HEATR5A: variants seen among roughly 807,000 people sequenced by gnomAD.
HEATR5A encodes HEAT repeat-containing protein 5A.
Under a neutral mutation model 218.8 loss-of-function variants are expected in HEATR5A, and 178 were observed. The observed-to-expected ratio is 0.81, with a 90% confidence interval of 0.72 to 0.92. The LOEUF (loss-of-function observed/expected upper bound fraction) is 0.92, where lower values mean the gene tolerates loss of function less well. Among genes scored for constraint, HEATR5A ranks in the 40% least tolerant of loss-of-function variants. The pLI, the probability that HEATR5A is intolerant of heterozygous loss-of-function variation, is 0.00. For synonymous variants in HEATR5A, 864 were observed against 871.6 expected, an observed-to-expected ratio of 0.99 and a Z score of 0.15; for missense variants, 2,420 against 2,418.9, an observed-to-expected ratio of 1.00 and a Z score of -0.01.
intron 22 of HEATR5A, among the ~76,000 whole-genome samples, chr14:31,337,225 G>T (rs1423874252): frequency 1.3e-5 from 2 of 152,128 alleles, no homozygotes; most frequent in African/African-American, 4.8e-5. Flanking sequence ...AGTAGGTCTG[G>T]GATGGGTCCC....
At chr14:31,340,008 A>G (rs1459195524) in intron 21 of HEATR5A, among the ~76,000 whole-genome samples, 1 of 152,146 alleles carries the variant, frequency 6.6e-6, no homozygotes, top group Non-Finnish European at 1.5e-5. Flanking sequence ...GCTTGGAAGT[A>G]CCCTTTACTT....
chr14:31,314,296 T>C (rs1447728072), intron 27 of HEATR5A, among the ~76,000 whole-genome samples: 1 of 151,180 alleles, frequency 6.6e-6, no homozygotes, highest in East Asian at 2.0e-4. Flanking sequence ...TTCGCTCTTG[T>C]TCCCCAAGCT....
rs1178204314 is a variant in HEATR5A, at chr14:31,356,420, GAGA to G, written c.2411+2214_2411+2216del. ...CACAGCTAATTTTTTTATTTTTGTA[GAGA>G]AGGAGTTTTGCATGTTGCCTAGGCT... On this transcript the variant is annotated intron_variant, in intron 16 of 35. Coordinates refer to ENST00000543095, the MANE Select transcript of HEATR5A (RefSeq NM_015473.4). 2.6e-5 allele frequency among the ~76,000 whole-genome samples: 4 copies of G among 152,058 alleles called. No homozygotes were observed. The South Asian group carries it at 6.2e-4, about 24-fold the overall frequency.
chr14:31,360,710 G>A (rs1249401046), intron 14 of HEATR5A, among the ~76,000 whole-genome samples: 1 of 152,200 alleles, frequency 6.6e-6, no homozygotes, highest in Admixed American at 6.6e-5. Flanking sequence ...GCACCAGGAT[G>A]AAATGAGGAC....
rs149676886 is a variant in HEATR5A, at chr14:31,412,148, C to A, written c.-75+8324G>T. Among the ~76,000 whole-genome samples, 408 of 152,226 alleles carry A rather than the reference C, an allele frequency of 2.7e-3. 2 individuals are homozygous for A. The highest frequency in any genetic ancestry group is 9.2e-3 in the African/African-American group (383 of 41,546). On this transcript the variant is annotated intron_variant, in intron 1 of 35. Coordinates refer to ENST00000543095, the MANE Select transcript of HEATR5A (RefSeq NM_015473.4). Reference sequence around the variant, plus strand: ...TGGGATTACAGGCGTTGAGTCACTGCATGCAGCCTGAAATGATTTATTGCT... The same window carrying A: ...TGGGATTACAGGCGTTGAGTCACTGAATGCAGCCTGAAATGATTTATTGCT...
intron 15 of HEATR5A, 35 bp downstream of exon 15, chr14:31,358,859 G>C (rs1390331550): frequency 6.2e-7 from 1 of 1,608,016 alleles, no homozygotes; most frequent in South Asian, 1.1e-5. Context: ...ACTGATCACA[G>C]ATTGAATCTA....
intron 21 of HEATR5A, among the ~76,000 whole-genome samples, chr14:31,341,063 A>G (rs1900822457): frequency 1.3e-5 from 2 of 152,220 alleles, no homozygotes; most frequent in African/African-American, 4.8e-5. Flanking sequence ...TCTAAAATAT[A>G]ACAAATTCAA....
rs576317050 is a variant in HEATR5A at position 31,420,216 on chromosome 14, A to C, written c.-75+256T>G. ...GGAGGAAGAACGGACCACGCTGTTT[A>C]TCAGCCGACCCTGTGCCCCAGTCAG... On this transcript the variant is annotated intron_variant, in intron 1 of 35. Transcript: ENST00000543095. 3.3e-5 allele frequency: 5 copies of C among 152,574 alleles called. No homozygotes were observed. The South Asian group carries it at 1.0e-3, about 32-fold the overall frequency. The allele number at this position is 152,574 out of a possible 1,614,324, so 9.5% of individuals were successfully genotyped here. A position where few individuals can be genotyped will look rare whatever the true frequency, so the allele number is the denominator to read the frequency against.
intron 1 of HEATR5A, among the ~76,000 whole-genome samples, chr14:31,411,394 C>T (rs928293106): frequency 1.3e-5 from 2 of 152,078 alleles, no homozygotes; most frequent in South Asian, 4.1e-4. Context: ...TACAAATGCA[C>T]AGGAGTGCAA....
chr14:31,357,956 G>A (rs1044885325), intron 16 of HEATR5A, among the ~76,000 whole-genome samples: 10 of 152,140 alleles, frequency 6.6e-5, no homozygotes, highest in African/African-American at 1.9e-4. Flanking sequence ...GGTGAGTGGC[G>A]GGCAAGCGAG....
chr14:31,402,713 A>G (rs2030924441), intron 2 of HEATR5A, 137 bp downstream of exon 2: 3 of 767,510 alleles, frequency 3.9e-6, no homozygotes, highest in Non-Finnish European at 5.9e-6. Flanking sequence ...AAAAAATGTA[A>G]TATACTTCAT....
intron 22 of HEATR5A, among the ~76,000 whole-genome samples, chr14:31,330,991 G>A (rs1900449978): frequency 7.3e-6 from 1 of 137,474 alleles, no homozygotes; most frequent in Admixed American, 7.8e-5. Flanking sequence ...GCCCAGGCTG[G>A]AGTGCAGTGG....
chr14:31,294,362 A>C (rs1456325009), intron 34 of HEATR5A, among the ~76,000 whole-genome samples: 4 of 151,252 alleles, frequency 2.6e-5, no homozygotes, highest in Admixed American at 2.0e-4. Flanking sequence ...TCTAATTCCC[A>C]TTTTCCCCCT....
At chr14:31,345,555 T>C (rs1015470236) in intron 19 of HEATR5A, among the ~76,000 whole-genome samples, 3 of 152,170 alleles carry the variant, frequency 2.0e-5, no homozygotes, top group Non-Finnish European at 2.9e-5. Context: ...GTTTAATCTA[T>C]AGAAAGAATG....
chr14:31,308,545 A>T (rs1323576926), intron 29 of HEATR5A, among the ~76,000 whole-genome samples: 1 of 151,142 alleles, frequency 6.6e-6, no homozygotes, highest in Non-Finnish European at 1.5e-5. Flanking sequence ...AGGCTTGTGC[A>T]CTAGTTGCTT....
At position 31,358,786 on chromosome 14, in the gene HEATR5A, G is replaced by C. The variant is rs367722073; in HGVS notation, c.2262C>G (p.Cys754Trp). The C allele has an allele frequency of 6.2e-7, 1 of 1,613,654 alleles. No homozygotes were observed. The highest frequency in any genetic ancestry group is 1.3e-5 in the African/African-American group (1 of 74,936). ...EQLLLGNGVA[C>W]GSLEYDPYSI... ...AATAAGGGTCATATTCAAGACTTCC[G>C]CAAGCAACACCATTACCAAGCAGGA... Residue 754 changes from cysteine (C) to tryptophan (W), a missense_variant, in exon 16 of 36, where the codon TGC becomes TGG. Coordinates refer to ENST00000543095, the MANE Select transcript of HEATR5A (RefSeq NM_015473.4).
At chr14:31,322,289 C>T (rs1050528671) in intron 24 of HEATR5A, among the ~76,000 whole-genome samples, 2 of 152,158 alleles carry the variant, frequency 1.3e-5, no homozygotes, top group Non-Finnish European at 2.9e-5. Flanking sequence ...GAAATCACGT[C>T]TTAGTAAATG....
chr14:31,369,012 T>C (rs934382888), intron 13 of HEATR5A, among the ~76,000 whole-genome samples: 2 of 152,174 alleles, frequency 1.3e-5, no homozygotes, highest in Non-Finnish European at 2.9e-5. Context: ...CTCAGAAATA[T>C]GTAGGCCAGG....
In HEATR5A at chr14:31,315,966, TAA is replaced by T. The variant is rs1382469208; in HGVS notation, c.4039-19_4039-18del. On this transcript the variant is annotated intron_variant, in intron 26 of 35. Transcript: ENST00000543095. ...ACTGCAAACCTAGTTTTCAAGAAAT[TAA>T]AAGTTATATTTTAAAATTATAAGTA... is the stretch of plus-strand genomic sequence containing the variant. 6.6e-7 allele frequency: 1 copy of T among 1,515,872 alleles called. No individual in the cohort carries two copies. The highest frequency in any genetic ancestry group is 8.9e-7 in the Non-Finnish European group (1 of 1,128,258). 93.9% of individuals were successfully genotyped at this position (1,515,872 alleles called of 1,614,324 possible). A position where few individuals can be genotyped will look rare whatever the true frequency, so the allele number is the denominator to read the frequency against.
Sources: allele counts gnomAD v4.1 joint callset (sites outside exome capture counted in the v4.1 genomes callset), GRCh38; gene constraint gnomAD v4.1.1; transcripts MANE v1.5; gene names NCBI Gene and HGNC (gene_info 2026-07-23, HGNC 2026-07-21).